The following COA1 variants were observed in gnomAD, a reference collection of about 807,000 sequenced individuals.
COA1 encodes the protein cytochrome c oxidase assembly factor 1.
In COA1, 13 loss-of-function variants were observed where a neutral mutation model predicts 16.0. The observed-to-expected ratio is 0.81, with a 90% CI of 0.53 to 1.29. The LOEUF (loss-of-function observed/expected upper bound fraction) is 1.29. COA1 is among the 50% of genes most tolerant of loss of function. COA1 has a pLI of 0.00. For missense variants in COA1, 179 were observed against 177.0 expected (o/e 1.01, Z -0.06); for synonymous variants, 65 against 65.7 (o/e 0.99, Z 0.05).
intron 1 of COA1, among the ~76,000 whole-genome samples, chr7:43,705,640 G>A (rs768414614): frequency 6.6e-6 from 1 of 152,192 alleles, no homozygotes; most frequent in Non-Finnish European, 1.5e-5. Flanking sequence ...GCCTAGAGGA[G>A]TATGGTGTTA....
At chr7:43,717,358 G>A (rs1486749944) in intron 1 of COA1, among the ~76,000 whole-genome samples, 1 of 152,210 alleles carries the variant, frequency 6.6e-6, no homozygotes, top group African/African-American at 2.4e-5. Context: ...CCAGATGTGA[G>A]ACCTGGAGTC....
At chr7:43,718,062 G>A (rs2095430417) in intron 1 of COA1, among the ~76,000 whole-genome samples, 1 of 152,182 alleles carries the variant, frequency 6.6e-6, no homozygotes, top group East Asian at 1.9e-4. Context: ...TCAGCAGTGT[G>A]AAAACGGACT....
intron 1 of COA1, among the ~76,000 whole-genome samples, chr7:43,693,568 C>T (rs995771301): frequency 1.3e-5 from 2 of 152,030 alleles, no homozygotes; most frequent in African/African-American, 4.8e-5. Flanking sequence ...TTTCAATTCC[C>T]CTCCTCAAAT....
At chr7:43,610,346 CAAAAA>C (rs138859141) in intron 6 of COA1, among the ~76,000 whole-genome samples, 1 of 41,312 alleles carries the variant, frequency 2.4e-5, no homozygotes, top group African/African-American at 1.1e-4. Context: ...GACTCCGTCT[CAAAAA>C]AAAAAAAAAA....
intron 1 of COA1, among the ~76,000 whole-genome samples, chr7:43,703,067 A>G (rs1419269085): frequency 6.6e-6 from 1 of 152,066 alleles, no homozygotes; most frequent in Non-Finnish European, 1.5e-5. Flanking sequence ...TTAGTTTCAA[A>G]TATTTTTCTG....
chr7:43,667,541 T>C (rs1423316674), intron 1 of COA1, among the ~76,000 whole-genome samples: 1 of 152,206 alleles, frequency 6.6e-6, no homozygotes, highest in Non-Finnish European at 1.5e-5. Context: ...TGTTTTTAAC[T>C]GTATCCTGGA....
chr7:43,683,133 C>T (rs1406603464), intron 1 of COA1, among the ~76,000 whole-genome samples: 1 of 152,108 alleles, frequency 6.6e-6, no homozygotes. Flanking sequence ...GCTAGGATTA[C>T]AGGCATGAAC....
chr7:43,662,141 T>G (rs1413167712), intron 1 of COA1, among the ~76,000 whole-genome samples: 1 of 152,234 alleles, frequency 6.6e-6, no homozygotes, highest in Admixed American at 6.5e-5. Flanking sequence ...GATCTACAAT[T>G]ATCTGAAAAG....
At position 43,691,426 on chromosome 7, in the gene COA1, A is replaced by G. The variant is rs1413316068; in HGVS notation, c.-39+38003T>C. Among the ~76,000 whole-genome samples the G allele has an allele frequency of 8.5e-3, 268 of 31,560 alleles. 5 individuals are homozygous for G. Among genetic ancestry groups the G allele is most frequent in the Middle Eastern group, 0.022 (1 of 46 alleles). 20.7% of individuals were successfully genotyped at this position (31,560 alleles called of 152,430 possible). ...AAGGAAGGAAGGAAGAAAGAAAAAG[A>G]AAGAAAGAAAGAAAGAAAGAAAGAA... On this transcript the variant is annotated intron_variant, in intron 1 of 5. Transcript: ENST00000223336.
chr7:43,608,543 C>CCTG, exon 7 of COA1: 1 of 903,624 alleles, frequency 1.1e-6, no homozygotes, highest in South Asian at 1.8e-5. Flanking sequence ...TACTCCTATC[C>CCTG]TCTAGCCAGT....
downstream of COA1, among the ~76,000 whole-genome samples, chr7:43,636,225 G>A (rs2085847308): frequency 1.3e-5 from 2 of 152,152 alleles, no homozygotes; most frequent in African/African-American, 2.4e-5. Flanking sequence ...TTCAACTCAG[G>A]AACTCTGCCA....
At chr7:43,726,650 C>T (rs977259268) in intron 1 of COA1, among the ~76,000 whole-genome samples, 2 of 152,194 alleles carry the variant, frequency 1.3e-5, no homozygotes, top group African/African-American at 4.8e-5. Flanking sequence ...CCTGGCCTCC[C>T]ACGTAGTTGT....
chr7:43,725,355 G>A (rs891165977), intron 1 of COA1, among the ~76,000 whole-genome samples: 3 of 152,094 alleles, frequency 2.0e-5, no homozygotes, highest in Non-Finnish European at 4.4e-5. Flanking sequence ...AGTTAAAATG[G>A]CCAATTTTAT....
chr7:43,724,390 T>C (rs2095570379), intron 1 of COA1, among the ~76,000 whole-genome samples: 1 of 151,770 alleles, frequency 6.6e-6, no homozygotes, highest in Non-Finnish European at 1.5e-5. Context: ...CTGTCTCTAC[T>C]AAAAATATAA....
At chr7:43,681,513 C>T (rs1028177395) in intron 1 of COA1, among the ~76,000 whole-genome samples, 4 of 152,150 alleles carry the variant, frequency 2.6e-5, no homozygotes, top group Admixed American at 1.3e-4. Flanking sequence ...ACGGAGATAT[C>T]TTTCACACAG....
At chr7:43,642,968 T>G (rs894636486) in intron 4 of COA1, among the ~76,000 whole-genome samples, 1 of 152,156 alleles carries the variant, frequency 6.6e-6, no homozygotes, top group African/African-American at 2.4e-5. Context: ...CCTGACAGAA[T>G]GTCAAAAATA....
intron 1 of COA1, among the ~76,000 whole-genome samples, chr7:43,655,668 A>T (rs2091607009): frequency 6.6e-6 from 1 of 152,172 alleles, no homozygotes; most frequent in Admixed American, 6.5e-5. Context: ...AAAAAATTAA[A>T]AACTCCAGTA....
At chr7:43,704,600 T>C (rs1315390853) in intron 1 of COA1, among the ~76,000 whole-genome samples, 1 of 152,248 alleles carries the variant, frequency 6.6e-6, no homozygotes, top group African/African-American at 2.4e-5. Flanking sequence ...CTTGATCTAT[T>C]CTGTTATTAA....
chr7:43,714,969 T>C (rs961039148), intron 1 of COA1, among the ~76,000 whole-genome samples: 1 of 130,216 alleles, frequency 7.7e-6, no homozygotes, highest in South Asian at 2.4e-4. Context: ...ACTGCACCAC[T>C]GCACTCCAGC....
Sources: gnomAD v4.1 joint callset for allele counts (sites outside exome capture counted in the v4.1 genomes callset) on GRCh38, gnomAD v4.1.1 for gene constraint, MANE v1.5 for transcripts, NCBI Gene and HGNC (gene_info 2026-07-23, HGNC 2026-07-21) for gene names.